KHDRBS2: variants seen among roughly 807,000 people sequenced by gnomAD.
KHDRBS2 encodes KH RNA binding domain containing, signal transduction associated 2, also known as KH domain-containing, RNA-binding, signal transduction-associated protein 2.
KHDRBS2 carries 26 observed loss-of-function variants against 44.3 expected under a neutral mutation model. That is an observed-to-expected ratio of 0.59 (90% CI 0.43 to 0.81). KHDRBS2 has a LOEUF of 0.81. KHDRBS2 is among the 40% of genes least tolerant of loss of function. KHDRBS2 has a pLI of 0.00. For missense variants in KHDRBS2, 476 were observed against 433.1 expected (o/e 1.10, Z -0.88); for synonymous variants, 194 against 151.1 (o/e 1.28, Z -2.08).
At chr6:61,586,965 T>A in the KHDRBS2 span, among the ~76,000 whole-genome samples, 1 of 152,178 alleles carries the variant, frequency 6.6e-6, no homozygotes, top group African/African-American at 2.4e-5. Flanking sequence ...TTGTTCAAAT[T>A]TCTTTGTGCA....
intron 3 of KHDRBS2, among the ~76,000 whole-genome samples, chr6:61,981,240 T>C (rs761557716): frequency 1.3e-5 from 2 of 152,202 alleles, no homozygotes; most frequent in African/African-American, 4.8e-5. Context: ...AGATTACTGA[T>C]TCAAAACTAG....
intron 2 of KHDRBS2, among the ~76,000 whole-genome samples, chr6:62,111,919 C>T (rs999202516): frequency 6.6e-6 from 1 of 151,972 alleles, no homozygotes; most frequent in Non-Finnish European, 1.5e-5. Flanking sequence ...ATTGCTGGGC[C>T]CCAATCATGA....
intron 4 of KHDRBS2, among the ~76,000 whole-genome samples, chr6:61,929,306 G>A (rs1206384805): frequency 6.6e-6 from 1 of 152,170 alleles, no homozygotes. Context: ...TACTATAGTA[G>A]TAAAGTCTTC....
the KHDRBS2 span, among the ~76,000 whole-genome samples, chr6:61,644,440 G>A: frequency 1.3e-5 from 2 of 152,064 alleles, no homozygotes; most frequent in Non-Finnish European, 2.9e-5. Flanking sequence ...AGTAATAAAA[G>A]CAAGAATTGA....
intron 6 of KHDRBS2, among the ~76,000 whole-genome samples, chr6:61,883,105 T>C (rs1176708082): frequency 6.6e-6 from 1 of 152,068 alleles, no homozygotes; most frequent in Non-Finnish European, 1.5e-5. Context: ...TTTAGGAATA[T>C]ACCCATAGAA....
the KHDRBS2 span, among the ~76,000 whole-genome samples, chr6:61,614,993 G>T: frequency 2.0e-5 from 3 of 151,946 alleles, no homozygotes. Flanking sequence ...CAGCACGTTG[G>T]GAGACTGAGG....
In KHDRBS2 at chr6:61,945,110, A is replaced by ATGTAT. The variant is rs1414544846; in HGVS notation, c.483+32955_483+32956insATACA. Reference sequence around the variant, plus strand: ...TGTCTTAAAAAAAAAAAAAAAAAAAAAAGTATATATATATATATATATATA... The same window carrying ATGTAT: ...TGTCTTAAAAAAAAAAAAAAAAAAAATGTATAAGTATATATATATATATATATATA... On this transcript the variant is annotated intron_variant, in intron 4 of 8. Transcript: ENST00000281156. Among the ~76,000 whole-genome samples the ATGTAT allele has an allele frequency of 9.5e-3, 441 of 46,240 alleles. 62 individuals are homozygous for ATGTAT. Among genetic ancestry groups the ATGTAT allele is most frequent in the African/African-American group, 0.047 (412 of 8,858 alleles). 30.3% of individuals were successfully genotyped at this position (46,240 alleles called of 152,430 possible).
At chr6:62,163,675 T>C (rs1446415585) in intron 2 of KHDRBS2, among the ~76,000 whole-genome samples, 1 of 151,976 alleles carries the variant, frequency 6.6e-6, no homozygotes, top group Non-Finnish European at 1.5e-5. Context: ...AATTATACAA[T>C]GGTTTAATGC....
intron 6 of KHDRBS2, among the ~76,000 whole-genome samples, chr6:61,771,503 A>C (rs1780898962): frequency 6.6e-6 from 1 of 152,194 alleles, no homozygotes; most frequent in African/African-American, 2.4e-5. Flanking sequence ...TCTACCAAGC[A>C]AATGGAAGAC....
chr6:62,073,530 CTTTTTTT>C lies in KHDRBS2; in HGVS notation c.220-25543_220-25537del, dbSNP rs60124030. Among the ~76,000 whole-genome samples, 324 of 124,430 alleles carry C rather than the reference CTTTTTTT, an allele frequency of 2.6e-3. 2 individuals carry two copies. The highest frequency in any genetic ancestry group is 1.2e-3 in the African/African-American group (41 of 33,112). 81.6% of individuals were successfully genotyped at this position (124,430 alleles called of 152,430 possible). ...TGGTTTGGTGATTTTTTTCTTTTTT[CTTTTTTT>C]TTTTTTTTGTTTTATTTTCTATTTC... On this transcript the variant is annotated intron_variant, in intron 2 of 8. Transcript: ENST00000281156.
intron 6 of KHDRBS2, among the ~76,000 whole-genome samples, chr6:61,848,527 A>ACG (rs1794874601): frequency 1.8e-5 from 1 of 56,850 alleles, no homozygotes; most frequent in African/African-American, 9.2e-5. Flanking sequence ...ATGTATATAT[A>ACG]TATACATATA....
intron 4 of KHDRBS2, among the ~76,000 whole-genome samples, chr6:61,923,333 T>A (rs962965327): frequency 6.6e-6 from 1 of 151,932 alleles, no homozygotes; most frequent in Non-Finnish European, 1.5e-5. Context: ...AAAAGTATAG[T>A]AATGGACTAT....
rs1766215401 is a variant in KHDRBS2, at chr6:61,680,840, C to A, written c.*123G>T. 3.3e-6 allele frequency: 2 copies of A among 612,964 alleles called. No individual in the cohort carries two copies. Among genetic ancestry groups the A allele is most frequent in the Non-Finnish European group, 5.9e-6 (2 of 339,650 alleles). The allele number at this position is 612,964 out of a possible 1,614,324, so 38.0% of individuals were successfully genotyped here. ...AGAAATATATGGGAGTAATCATGAGCAGTTATCCCTAGAATAGAAACAAAC... is the reference window on the plus strand; with the variant it reads ...AGAAATATATGGGAGTAATCATGAGAAGTTATCCCTAGAATAGAAACAAAC... On this transcript the variant is annotated 3_prime_UTR_variant, in exon 9 of 9. Coordinates refer to ENST00000281156, the MANE Select transcript of KHDRBS2 (RefSeq NM_152688.4).
chr6:61,569,181 C>T, the KHDRBS2 span, among the ~76,000 whole-genome samples: 26 of 152,062 alleles, frequency 1.7e-4, 1 homozygote, highest in Admixed American at 1.7e-3. Flanking sequence ...CCCTCTGGAA[C>T]ATAACTCCAT....
intron 6 of KHDRBS2, among the ~76,000 whole-genome samples, chr6:61,775,831 CA>C (rs1428119548): frequency 2.0e-5 from 3 of 152,152 alleles, no homozygotes; most frequent in African/African-American, 7.2e-5. Flanking sequence ...CCCGTGGTGC[CA>C]AGTCAATCCT....
At chr6:61,557,896 A>C in the KHDRBS2 span, among the ~76,000 whole-genome samples, 1 of 152,022 alleles carries the variant, frequency 6.6e-6, no homozygotes, top group African/African-American at 2.4e-5. Flanking sequence ...GAATTTTTCC[A>C]TTTCTTCTAG....
chr6:62,044,383 GA>G (rs1374868410), intron 3 of KHDRBS2, among the ~76,000 whole-genome samples: 1 of 151,882 alleles, frequency 6.6e-6, no homozygotes, highest in Admixed American at 6.6e-5. Flanking sequence ...GGCTGAGGTG[GA>G]AATATCACTC....
intron 4 of KHDRBS2, among the ~76,000 whole-genome samples, chr6:61,938,907 A>AT (rs1001006610): frequency 4.0e-4 from 61 of 151,566 alleles, no homozygotes; most frequent in East Asian, 2.1e-3. Flanking sequence ...AGGGCAGTAC[A>AT]TTTTTTTTTC....
At chr6:61,782,564 C>T (rs776715759) in intron 6 of KHDRBS2, among the ~76,000 whole-genome samples, 6 of 151,220 alleles carry the variant, frequency 4.0e-5, no homozygotes, top group Non-Finnish European at 7.4e-5. Flanking sequence ...TATAGATTTC[C>T]AGTATGGTCA....
Sources: gnomAD v4.1 joint callset for allele counts (sites outside exome capture counted in the v4.1 genomes callset) on GRCh38, gnomAD v4.1.1 for gene constraint, MANE v1.5 for transcripts, NCBI Gene and HGNC (gene_info 2026-07-23, HGNC 2026-07-21) for gene names.